NTSR1: variants seen among roughly 807,000 people sequenced by gnomAD.
NTSR1 encodes the protein neurotensin receptor type 1.
A neutral mutation model predicts 31.2 loss-of-function variants in NTSR1; 29 were observed. The ratio of observed to expected loss-of-function variants is 0.93; its 90% CI spans 0.69 to 1.27. The LOEUF is 1.27. NTSR1 is among the 50% of genes most tolerant of loss of function. The pLI, the probability that NTSR1 is intolerant of heterozygous loss-of-function variation, is 0.00. For synonymous variants in NTSR1, 282 were observed against 269.9 expected (o/e 1.04, Z -0.44); for missense variants, 697 against 595.4 (o/e 1.17, Z -1.78).
intron 1 of NTSR1, among the ~76,000 whole-genome samples, chr20:62,749,261 G>A (rs1195691635): frequency 6.6e-6 from 1 of 152,138 alleles, no homozygotes; most frequent in Non-Finnish European, 1.5e-5. Flanking sequence ...CTAACACGGT[G>A]AAACCCCGTC....
chr20:62,735,746 G>T (rs1216714044), intron 1 of NTSR1, among the ~76,000 whole-genome samples: 6 of 152,200 alleles, frequency 3.9e-5, no homozygotes, highest in African/African-American at 4.8e-5. Context: ...CCTGAGGCTG[G>T]CGTGCAGGGA....
chr20:62,717,362 GGAGAA>G (rs1988749352), intron 1 of NTSR1, among the ~76,000 whole-genome samples: 1 of 152,248 alleles, frequency 6.6e-6, no homozygotes, highest in Non-Finnish European at 1.5e-5. Context: ...AAGGAGATCA[GGAGAA>G]TGCTTCCCGA....
At chr20:62,724,658 C>T (rs950574505) in intron 1 of NTSR1, among the ~76,000 whole-genome samples, 6 of 152,202 alleles carry the variant, frequency 3.9e-5, no homozygotes, top group Admixed American at 1.3e-4. Context: ...ACAGAAACCC[C>T]GAGGGTCTCC....
chr20:62,734,825 T>C (rs962766627), intron 1 of NTSR1, among the ~76,000 whole-genome samples: 1 of 152,256 alleles, frequency 6.6e-6, no homozygotes, highest in African/African-American at 2.4e-5. Context: ...AGATATCGTA[T>C]TAAAATTATC....
At chr20:62,756,579 TGGCTC>T (rs1989517600) in intron 2 of NTSR1, 2 of 152,288 alleles carry the variant, frequency 1.3e-5, no homozygotes, top group Non-Finnish European at 2.9e-5. Context: ...TAAGAGAGCC[TGGCTC>T]TGGGCTCAGC....
In NTSR1 at chr20:62,758,405, C is replaced by T. The variant is rs774658035; in HGVS notation, c.1007+49C>T. On this transcript the variant is annotated intron_variant, in intron 3 of 3. Coordinates refer to ENST00000370501, the MANE Select transcript of NTSR1 (RefSeq NM_002531.3). The surrounding 1 kb of genome is among the most constrained non-coding windows in gnomAD (Gnocchi z 4.5). Reference sequence around the variant, plus strand: ...TGGGTGCTGGACAAGTAAGTGCTCCCAAAACAGATGGTGGGTGTGGCAGGC... The same window carrying T: ...TGGGTGCTGGACAAGTAAGTGCTCCTAAAACAGATGGTGGGTGTGGCAGGC... 6 of 1,526,254 alleles carry T rather than the reference C, an allele frequency of 3.9e-6. No homozygotes were observed. The highest frequency in any genetic ancestry group is 5.4e-6 in the Non-Finnish European group (6 of 1,102,682). The allele number at this position is 1,526,254 out of a possible 1,614,324, so 94.5% of individuals were successfully genotyped here. A position where few individuals can be genotyped will look rare whatever the true frequency, so the allele number is the denominator to read the frequency against.
intron 1 of NTSR1, among the ~76,000 whole-genome samples, chr20:62,729,975 T>C (rs1988976095): frequency 6.6e-6 from 1 of 152,194 alleles, no homozygotes. Context: ...TAGAGAAGCG[T>C]TGAGCCCACA....
intron 1 of NTSR1, among the ~76,000 whole-genome samples, chr20:62,712,832 G>A (rs979163428): frequency 9.2e-5 from 14 of 152,230 alleles, no homozygotes; most frequent in African/African-American, 3.1e-4. Flanking sequence ...CTTTGACCTC[G>A]GCTGTGACAG....
intron 1 of NTSR1, among the ~76,000 whole-genome samples, chr20:62,750,168 G>A (rs1342097461): frequency 6.6e-6 from 1 of 152,174 alleles, no homozygotes; most frequent in African/African-American, 2.4e-5. Flanking sequence ...CAAACCTGGG[G>A]GCATTATGCT....
At chr20:62,752,385 C>T (rs1490122062) in intron 1 of NTSR1, among the ~76,000 whole-genome samples, 2 of 152,234 alleles carry the variant, frequency 1.3e-5, no homozygotes, top group South Asian at 2.1e-4. Flanking sequence ...AGAAGGCCGG[C>T]CCCAGGAGTC....
chr20:62,731,411 C>T (rs1989000136), intron 1 of NTSR1, among the ~76,000 whole-genome samples: 1 of 152,090 alleles, frequency 6.6e-6, no homozygotes, highest in Non-Finnish European at 1.5e-5. Flanking sequence ...TAATGAAGTC[C>T]AGCTTATTCA....
intron 1 of NTSR1, among the ~76,000 whole-genome samples, chr20:62,725,090 AG>A (rs1188664805): frequency 6.6e-6 from 1 of 152,254 alleles, no homozygotes; most frequent in Non-Finnish European, 1.5e-5. Context: ...AGCAGGCACC[AG>A]GCCTCCTCTC....
intron 1 of NTSR1, among the ~76,000 whole-genome samples, chr20:62,719,108 CCT>C (rs762919830): frequency 0.041 from 2,129 of 51,476 alleles, 24 homozygotes; most frequent in Non-Finnish European, 0.088. Context: ...GCTTCCAGTC[CCT>C]TTTTTTTTCT....
chr20:62,737,031 T>G (rs995248969), intron 1 of NTSR1, among the ~76,000 whole-genome samples: 1 of 152,252 alleles, frequency 6.6e-6, no homozygotes, highest in African/African-American at 2.4e-5. Flanking sequence ...CCCCCAGCCC[T>G]GCAGAACTGT....
At position 62,745,496 on chromosome 20, in the gene NTSR1, A is replaced by G. The variant is rs60283130; in HGVS notation, c.715-9189A>G. On this transcript the variant is annotated intron_variant, in intron 1 of 3. Transcript: ENST00000370501. This position sits in a 1 kb window ranked among gnomAD's most constrained non-coding sequence, Gnocchi z 4.1. Reference sequence around the variant, plus strand: ...AGGAACAACAGAGACACACAGACAGAGACAGACACAGGAAAACAGTGAAAG... The same window carrying G: ...AGGAACAACAGAGACACACAGACAGGGACAGACACAGGAAAACAGTGAAAG... 0.18 allele frequency among the ~76,000 whole-genome samples: 26,791 copies of G among 151,976 alleles called. 3,902 individuals carry two copies. The highest frequency in any genetic ancestry group is 0.39 in the African/African-American group (16,079 of 41,358).
At position 62,709,666 on chromosome 20, in the gene NTSR1, C is replaced by T. The variant is rs753047901; in HGVS notation, c.459C>T (p.Tyr153=). Reference sequence around the variant, plus strand: ...ACTTCCTGCGCGACGCCTGCACCTACGCCACGGCCCTCAACGTGGCCAGCC... The same window carrying T: ...ACTTCCTGCGCGACGCCTGCACCTATGCCACGGCCCTCAACGTGGCCAGCC... ...GYYFLRDACT[Y]ATALNVASLS... is the part of the protein sequence containing the mutation. The change falls in exon 1 of 4, where the codon TAC becomes TAT. Residue 153 remains tyrosine (Y), a synonymous_variant. Coordinates refer to ENST00000370501, the MANE Select transcript of NTSR1 (RefSeq NM_002531.3). 7 of 1,612,726 alleles carry T rather than the reference C, an allele frequency of 4.3e-6. No homozygotes were observed. In the East Asian group the frequency reaches 8.9e-5, roughly 21 times the overall value.
intron 1 of NTSR1, among the ~76,000 whole-genome samples, chr20:62,740,218 T>C (rs1989177814): frequency 6.6e-6 from 1 of 152,234 alleles, no homozygotes; most frequent in South Asian, 2.1e-4. Context: ...CCCTGCGTTT[T>C]AGAAAAGTAT....
At chr20:62,725,117 T>A (rs2427418) in intron 1 of NTSR1, among the ~76,000 whole-genome samples, 4 of 152,164 alleles carry the variant, frequency 2.6e-5, no homozygotes, top group East Asian at 1.9e-4. Context: ...AGACAAGTGC[T>A]CCCCAAGGCA....
intron 1 of NTSR1, among the ~76,000 whole-genome samples, chr20:62,723,694 A>C (rs936091399): frequency 6.6e-6 from 1 of 152,192 alleles, no homozygotes; most frequent in African/African-American, 2.4e-5. Flanking sequence ...CAGTGGGGAC[A>C]GAGGTCTTTC....
Sources: allele counts gnomAD v4.1 joint callset (sites outside exome capture counted in the v4.1 genomes callset), GRCh38; gene constraint gnomAD v4.1.1; non-coding constraint Gnocchi (gnomAD v3.1); transcripts MANE v1.5; gene names NCBI Gene and HGNC (gene_info 2026-07-23, HGNC 2026-07-21).